Variants in SCFD2 observed in about 807,000 individuals in gnomAD.
SCFD2 encodes the protein sec1 family domain-containing protein 2.
Under a neutral mutation model 58.9 loss-of-function variants are expected in SCFD2, and 54 were observed. That is an observed-to-expected ratio of 0.92 (90% CI 0.74 to 1.15). The LOEUF (loss-of-function observed/expected upper bound fraction) is 1.15, where lower values mean the gene tolerates loss of function less well. Among genes scored for constraint, SCFD2 ranks in the 50% most tolerant of loss-of-function variants. SCFD2 has a pLI of 0.00. For synonymous variants in SCFD2, 321 were observed against 335.9 expected (o/e 0.96, Z 0.49); for missense variants, 805 against 836.6 (o/e 0.96, Z 0.47).
chr4:53,321,530 T>C (rs1307884212), intron 2 of SCFD2, among the ~76,000 whole-genome samples: 2 of 152,098 alleles, frequency 1.3e-5, no homozygotes, highest in East Asian at 3.9e-4. Context: ...GGATATGCAA[T>C]AATAGTCACA....
At chr4:52,946,821 C>T (rs1334369332) in intron 5 of SCFD2, among the ~76,000 whole-genome samples, 1 of 152,004 alleles carries the variant, frequency 6.6e-6, no homozygotes, top group Non-Finnish European at 1.5e-5. Flanking sequence ...GTCTTAGGTA[C>T]TTATGGTTGG....
chr4:52,882,670 G>A (rs1718645539), intron 8 of SCFD2, among the ~76,000 whole-genome samples: 1 of 152,152 alleles, frequency 6.6e-6, no homozygotes, highest in Non-Finnish European at 1.5e-5. Context: ...GATGCTTCCT[G>A]CCCTTGAACA....
intron 5 of SCFD2, among the ~76,000 whole-genome samples, chr4:53,084,013 G>A (rs1016693200): frequency 4.6e-5 from 7 of 152,136 alleles, no homozygotes; most frequent in African/African-American, 1.7e-4. Flanking sequence ...GTTCAGAGGT[G>A]CACATATTGT....
chr4:53,236,816 A>T (rs200365419), intron 4 of SCFD2, among the ~76,000 whole-genome samples: 9,751 of 92,408 alleles, frequency 0.11, 467 homozygotes, highest in East Asian at 0.23. Flanking sequence ...TGTTTTATTT[A>T]TTTATTTATT....
At chr4:53,245,096 G>A (rs928416981) in intron 4 of SCFD2, among the ~76,000 whole-genome samples, 1 of 151,856 alleles carries the variant, frequency 6.6e-6, no homozygotes, top group African/African-American at 2.4e-5. Context: ...TACAAGCTTT[G>A]AAATCCAATC....
At chr4:52,992,237 C>T (rs1019028929) in intron 5 of SCFD2, among the ~76,000 whole-genome samples, 5 of 152,164 alleles carry the variant, frequency 3.3e-5, no homozygotes, top group Non-Finnish European at 5.9e-5. Flanking sequence ...CTGTGTTGGC[C>T]GGGCTGGTCT....
chr4:53,333,468 TTGACAAACCTG>T (rs1733565978), intron 2 of SCFD2, among the ~76,000 whole-genome samples: 1 of 146,680 alleles, frequency 6.8e-6, no homozygotes. Flanking sequence ...TATCTGATCT[TTGACAAACCTG>T]AGAAAAACAA....
At chr4:52,961,131 G>A (rs556899542) in intron 5 of SCFD2, among the ~76,000 whole-genome samples, 15 of 152,228 alleles carry the variant, frequency 9.9e-5, no homozygotes, top group African/African-American at 1.4e-4. Context: ...CTCAGCTCCC[G>A]TGATTCAGAA....
intron 5 of SCFD2, among the ~76,000 whole-genome samples, chr4:52,944,131 G>C (rs926905622): frequency 9.9e-5 from 15 of 152,100 alleles, no homozygotes; most frequent in Non-Finnish European, 2.1e-4. Context: ...GTCTCTTTTA[G>C]TTGTATCTGG....
At chr4:53,266,098 T>G (rs528956318) in intron 4 of SCFD2, among the ~76,000 whole-genome samples, 2 of 152,268 alleles carry the variant, frequency 1.3e-5, no homozygotes, top group South Asian at 4.1e-4. Flanking sequence ...AGCCATCCAT[T>G]GCAGAAAAAG....
At position 53,331,924 on chromosome 4, in the gene SCFD2, A is replaced by G. The variant is rs370427597; in HGVS notation, c.1008-18161T>C. On this transcript the variant is annotated intron_variant, in intron 2 of 8. Transcript: ENST00000401642. ...AAATGATAAAGGGGATATCACCACC[A>G]ATCCCACAGAAATACAAACTACCAT... Among the ~76,000 whole-genome samples the G allele has an allele frequency of 4.1e-4, 62 of 152,218 alleles. 1 individual carries two copies. In the South Asian group the frequency reaches 0.011, roughly 28 times the overall value.
intron 4 of SCFD2, among the ~76,000 whole-genome samples, chr4:53,241,653 G>A (rs941594104): frequency 2.0e-5 from 3 of 152,146 alleles, no homozygotes; most frequent in Non-Finnish European, 2.9e-5. Flanking sequence ...GCCAGCACAT[G>A]TGTGCACAGG....
chr4:53,226,949 G>T (rs1729235775), intron 4 of SCFD2, among the ~76,000 whole-genome samples: 2 of 152,082 alleles, frequency 1.3e-5, no homozygotes, highest in Non-Finnish European at 1.5e-5. Flanking sequence ...TATTTACCCC[G>T]ATCTAAAAAA....
At chr4:53,164,788 C>CAAA (rs767167356) in intron 4 of SCFD2, among the ~76,000 whole-genome samples, 27 of 97,480 alleles carry the variant, frequency 2.8e-4, no homozygotes, top group African/African-American at 6.5e-4. Flanking sequence ...TCTGGAGTCT[C>CAAA]AAAAAAAAAA....
chr4:53,257,334 G>C (rs1261848979), intron 4 of SCFD2, among the ~76,000 whole-genome samples: 1 of 152,194 alleles, frequency 6.6e-6, no homozygotes, highest in African/African-American at 2.4e-5. Context: ...GTGAAGAAGA[G>C]TGCAGAAAGA....
chr4:53,352,637 T>C lies in SCFD2; in HGVS notation c.968A>G (p.Asn323Ser). Residue 323 changes from asparagine to serine, a missense_variant, in exon 2 of 9, where the codon AAT becomes AGT. By Grantham distance (46) the Asn-to-Ser change is conservative. Coordinates refer to ENST00000401642, the MANE Select transcript of SCFD2 (RefSeq NM_152540.4). Reference sequence around the variant, plus strand: ...ACAGCCTGGTGCAACCACATTATAATTTTCCTCCTCAGTATGGAGTGCAGT... The same window carrying C: ...ACAGCCTGGTGCAACCACATTATAACTTTCCTCCTCAGTATGGAGTGCAGT... ...ALTALHTEEE[N>S]YNVVAPGCLS... The C allele has an allele frequency of 6.2e-7, 1 of 1,613,898 alleles. No homozygotes were observed.
intron 2 of SCFD2, among the ~76,000 whole-genome samples, chr4:53,335,986 T>C (rs538543646): frequency 2.0e-5 from 3 of 152,316 alleles, no homozygotes; most frequent in South Asian, 4.1e-4. Flanking sequence ...AACTGAGATT[T>C]CTTCCTTAGG....
At chr4:53,345,598 T>C (rs984870454) in intron 2 of SCFD2, among the ~76,000 whole-genome samples, 5 of 151,998 alleles carry the variant, frequency 3.3e-5, no homozygotes, top group African/African-American at 1.2e-4. Flanking sequence ...CATTACTGGG[T>C]ATATACCCGA....
At chr4:53,124,040 T>C (rs2148894354) in intron 5 of SCFD2, among the ~76,000 whole-genome samples, 2 of 152,236 alleles carry the variant, frequency 1.3e-5, no homozygotes, top group African/African-American at 4.8e-5. Context: ...TAGTGATGAG[T>C]CCATAGAAAT....
Sources: allele counts gnomAD v4.1 joint callset (sites outside exome capture counted in the v4.1 genomes callset), GRCh38; gene constraint gnomAD v4.1.1; transcripts MANE v1.5; gene names NCBI Gene and HGNC (gene_info 2026-07-23, HGNC 2026-07-21).